The following TMEM45A variants were observed in gnomAD, a reference collection of about 807,000 sequenced individuals.
The protein encoded by TMEM45A is transmembrane protein 45A.
Under a neutral mutation model 32.0 loss-of-function variants are expected in TMEM45A, and 25 were observed. The ratio of observed to expected loss-of-function variants is 0.78; its 90% CI spans 0.57 to 1.09. The LOEUF (loss-of-function observed/expected upper bound fraction) is 1.09, where lower values mean the gene tolerates loss of function less well. TMEM45A is among the 50% of genes least tolerant of loss of function. The pLI is 0.00. For missense variants in TMEM45A, 302 were observed against 325.0 expected, an observed-to-expected ratio of 0.93 and a Z score of 0.54; for synonymous variants, 122 against 114.8, an observed-to-expected ratio of 1.06 and a Z score of -0.40.
intron 1 of TMEM45A, among the ~76,000 whole-genome samples, chr3:100,546,171 A>G (rs1705976480): frequency 6.6e-6 from 1 of 152,208 alleles, no homozygotes. Context: ...TCTCCCTTAC[A>G]GCCTCTTCAA....
intron 1 of TMEM45A, among the ~76,000 whole-genome samples, chr3:100,506,183 G>T (rs1708077483): frequency 6.6e-6 from 1 of 152,306 alleles, no homozygotes; most frequent in Non-Finnish European, 1.5e-5. Flanking sequence ...TAATCCACAG[G>T]GTATTGGTAG....
chr3:100,495,236 A>C (rs963823260), intron 1 of TMEM45A, among the ~76,000 whole-genome samples: 2 of 152,210 alleles, frequency 1.3e-5, no homozygotes, highest in African/African-American at 4.8e-5. Context: ...TCTGAAATGC[A>C]GGGAATAGAA....
intron 4 of TMEM45A, 89 bp downstream of exon 4, chr3:100,558,678 C>T (rs1484619590): frequency 7.7e-7 from 1 of 1,305,520 alleles, no homozygotes; most frequent in Admixed American, 2.0e-5. Context: ...CCGGAGACTT[C>T]CCTCCAACAT....
chr3:100,575,363 C>CTTTTTTTTTTTTTTTTTTTTTTTTTTTTT (rs59739893), intron 5 of TMEM45A, among the ~76,000 whole-genome samples: 1 of 62,706 alleles, frequency 1.6e-5, no homozygotes, highest in African/African-American at 5.4e-5. Context: ...TATGGATTCT[C>CTTTTTTTTTTTTTTTTTTTTTTTTTTTTT]TTTTTTTTTT....
At chr3:100,567,182 A>C (rs1706458822) in intron 4 of TMEM45A, among the ~76,000 whole-genome samples, 1 of 151,696 alleles carries the variant, frequency 6.6e-6, no homozygotes, top group African/African-American at 2.4e-5. Context: ...ACATGAGTTA[A>C]TTTTATATAT....
At chr3:100,517,220 G>A (rs1326486739) in intron 1 of TMEM45A, among the ~76,000 whole-genome samples, 5 of 152,240 alleles carry the variant, frequency 3.3e-5, no homozygotes, top group East Asian at 1.9e-4. Context: ...GGGTTGAAGC[G>A]ATTCTCCTGC....
At chr3:100,559,199 T>C (rs2148985490) in intron 4 of TMEM45A, among the ~76,000 whole-genome samples, 1 of 152,346 alleles carries the variant, frequency 6.6e-6, no homozygotes, top group East Asian at 1.9e-4. Flanking sequence ...TTCCAATCAG[T>C]AAACACACAC....
chr3:100,569,063 A>C, intron 5 of TMEM45A, 96 bp downstream of exon 5: 1 of 1,243,510 alleles, frequency 8.0e-7, no homozygotes, highest in South Asian at 1.5e-5. Context: ...AGGGTATTTC[A>C]TTCCTTATCA....
chr3:100,515,191 G>C (rs1255210263), intron 1 of TMEM45A, among the ~76,000 whole-genome samples: 1 of 152,070 alleles, frequency 6.6e-6, no homozygotes, highest in East Asian at 1.9e-4. Context: ...TGTTTATTGT[G>C]TCATTATTCT....
chr3:100,577,257 T>G lies in TMEM45A; in HGVS notation c.*239T>G, dbSNP rs565278713. ...ACATCATGGTATTCAGGGGCTAGAG[T>G]GATTTTTTTCCAGATTATCTAAAGT... On this transcript the variant is annotated 3_prime_UTR_variant, in exon 6 of 6. Transcript: ENST00000323523. The G allele has an allele frequency of 5.6e-6, 2 of 358,306 alleles. No individual in the cohort carries two copies. Among genetic ancestry groups the G allele is most frequent in the Non-Finnish European group, 1.0e-5 (2 of 199,812 alleles). 22.2% of individuals were successfully genotyped at this position (358,306 alleles called of 1,614,324 possible). A position where few individuals can be genotyped will look rare whatever the true frequency, so the allele number is the denominator to read the frequency against.
chr3:100,548,995 C>T (rs1706034781), intron 1 of TMEM45A, among the ~76,000 whole-genome samples: 5 of 152,144 alleles, frequency 3.3e-5, no homozygotes, highest in Admixed American at 3.3e-4. Context: ...TGCCTGTAAT[C>T]CCAGCACTTT....
intron 3 of TMEM45A, among the ~76,000 whole-genome samples, chr3:100,557,412 T>C (rs1174758357): frequency 6.6e-6 from 1 of 152,216 alleles, no homozygotes; most frequent in Non-Finnish European, 1.5e-5. Flanking sequence ...TACTCTGCCA[T>C]TTGATGATAA....
chr3:100,543,360 C>A (rs977345084), intron 1 of TMEM45A, among the ~76,000 whole-genome samples: 2 of 152,036 alleles, frequency 1.3e-5, no homozygotes, highest in South Asian at 2.1e-4. Flanking sequence ...TGGGAGAGTA[C>A]ACACTACACA....
chr3:100,554,402 C>T (rs1706172039), intron 1 of TMEM45A, among the ~76,000 whole-genome samples: 1 of 152,220 alleles, frequency 6.6e-6, no homozygotes, highest in Non-Finnish European at 1.5e-5. Flanking sequence ...GGTTGATCAC[C>T]TTCTGGGTTG....
At chr3:100,558,631 T>G in intron 4 of TMEM45A, 42 bp downstream of exon 4, 1 of 1,590,184 alleles carries the variant, frequency 6.3e-7, no homozygotes. Context: ...ACTCTTTGCC[T>G]GTAACTTCTC....
At chr3:100,539,102 A>T (rs1476120752) in intron 1 of TMEM45A, among the ~76,000 whole-genome samples, 1 of 152,192 alleles carries the variant, frequency 6.6e-6, no homozygotes, top group South Asian at 2.1e-4. Context: ...AACTGATTCT[A>T]AAGTTTATAT....
At position 100,555,211 on chromosome 3, in the gene TMEM45A, C is replaced by A; in HGVS notation, c.-1C>A. ...TCTGTGTGTTCTTATATTTGTAGAT[C>A]ATGGGGAATTTCAGAGGTCATGCCC... On this transcript the variant is annotated splice_region_variant and 5_prime_UTR_variant, in exon 2 of 6. Transcript: ENST00000323523. The A allele has an allele frequency of 6.3e-7, 1 of 1,590,256 alleles. No homozygotes were observed.
At chr3:100,557,413 T>G (rs1177058663) in intron 3 of TMEM45A, among the ~76,000 whole-genome samples, 1 of 152,164 alleles carries the variant, frequency 6.6e-6, no homozygotes, top group African/African-American at 2.4e-5. Flanking sequence ...ACTCTGCCAT[T>G]TGATGATAAG....
intron 1 of TMEM45A, among the ~76,000 whole-genome samples, chr3:100,507,645 G>A (rs1174200403): frequency 6.6e-6 from 1 of 152,142 alleles, no homozygotes; most frequent in East Asian, 1.9e-4. Context: ...TTGGGATGCA[G>A]GGATGAAGAA....
Sources: gnomAD v4.1 joint callset for allele counts (sites outside exome capture counted in the v4.1 genomes callset) on GRCh38, gnomAD v4.1.1 for gene constraint, MANE v1.5 for transcripts, NCBI Gene and HGNC (gene_info 2026-07-23, HGNC 2026-07-21) for gene names.